AAK1: variants seen among roughly 807,000 people sequenced by gnomAD.
The protein encoded by AAK1 is AP2-associated protein kinase 1.
A neutral mutation model predicts 116.0 loss-of-function variants in AAK1; 37 were observed. The ratio of observed to expected loss-of-function variants is 0.32; its 90% confidence interval spans 0.25 to 0.42. AAK1 has a LOEUF of 0.42. AAK1 is among the 10% of genes least tolerant of loss of function. The pLI, the probability that AAK1 is intolerant of heterozygous loss-of-function variation, is 1.00. For missense variants in AAK1, 919 were observed against 1,170.6 expected (o/e 0.79, Z 3.14); for synonymous variants, 458 against 439.9 (o/e 1.04, Z -0.51).
intron 4 of AAK1, among the ~76,000 whole-genome samples, chr2:69,543,698 G>A (rs944343241): frequency 1.3e-5 from 2 of 152,144 alleles, no homozygotes; most frequent in East Asian, 1.9e-4. Flanking sequence ...GAGCCACCGC[G>A]CCCGGCCTAT....
At chr2:69,548,697 T>G (rs1008528268) in intron 3 of AAK1, among the ~76,000 whole-genome samples, 1 of 151,960 alleles carries the variant, frequency 6.6e-6, no homozygotes, top group African/African-American at 2.4e-5. Context: ...CTCTGCCTCC[T>G]GGGTTCAAGT....
At chr2:69,535,966 T>C (rs565881645) in intron 5 of AAK1, among the ~76,000 whole-genome samples, 1 of 152,344 alleles carries the variant, frequency 6.6e-6, no homozygotes, top group African/African-American at 2.4e-5. Flanking sequence ...ACTTATTAAG[T>C]GCCAGACACT....
intron 16 of AAK1, 29 bp from the exon 17 acceptor site, chr2:69,496,109 G>C (rs374353464): frequency 6.6e-7 from 1 of 1,507,098 alleles, no homozygotes. Flanking sequence ...GGAAGGAGGA[G>C]TCAGGAGAGA....
Position 69,507,579 on chromosome 2 carries a change from C to G in AAK1, c.2007-1G>C. On this transcript the variant is annotated splice_acceptor_variant, in intron 14 of 21. Coordinates refer to ENST00000409085, the MANE Select transcript of AAK1 (RefSeq NM_014911.5). LOFTEE classifies it high-confidence loss of function. ...GCCTGATGGAGTGGTGGTTGCAGACCTAGGTAGGTTCCCACCCCCACGAAA... is the reference window on the plus strand; with the variant it reads ...GCCTGATGGAGTGGTGGTTGCAGACGTAGGTAGGTTCCCACCCCCACGAAA... 1 of 1,605,230 alleles carries G rather than the reference C, an allele frequency of 6.2e-7. No homozygotes were observed. Among genetic ancestry groups the G allele is most frequent in the Non-Finnish European group, 8.5e-7 (1 of 1,175,442 alleles).
chr2:69,481,182 C>T (rs1675075485), intron 18 of AAK1: 2 of 383,472 alleles, frequency 5.2e-6, no homozygotes, highest in Non-Finnish European at 9.5e-6. Flanking sequence ...TTTCTTTTAA[C>T]AGGTCTCTAA....
chr2:69,520,600 C>T (rs190665493), intron 11 of AAK1, among the ~76,000 whole-genome samples: 2 of 152,158 alleles, frequency 1.3e-5, no homozygotes, highest in East Asian at 1.9e-4. Context: ...GAACTGACCT[C>T]GGATGATTCA....
intron 2 of AAK1, among the ~76,000 whole-genome samples, chr2:69,584,613 T>A (rs747251202): frequency 2.0e-5 from 3 of 152,176 alleles, no homozygotes; most frequent in Non-Finnish European, 4.4e-5. Context: ...AAACGTTACA[T>A]CACATGACAT....
At chr2:69,611,044 T>C (rs564856846) in intron 2 of AAK1, among the ~76,000 whole-genome samples, 3 of 152,224 alleles carry the variant, frequency 2.0e-5, no homozygotes, top group Admixed American at 6.5e-5. Flanking sequence ...TGGCTAATAT[T>C]AGGTGTCAAT....
Position 69,599,823 on chromosome 2 carries a change from G to A in AAK1, c.164-42845C>T, listed in dbSNP as rs1438635742. Among the ~76,000 whole-genome samples, 4 of 152,162 alleles carry A rather than the reference G, an allele frequency of 2.6e-5. No homozygotes were observed. In the East Asian group the frequency reaches 7.7e-4, roughly 29 times the overall value. On this transcript the variant is annotated intron_variant, in intron 2 of 21. Transcript: ENST00000409085. ...AACGGGGTCTCACTCTGTCACTGAG[G>A]CTGGAGTGCAGTGGTATGATCACGG...
At chr2:69,616,889 TA>T (rs1674353831) in intron 2 of AAK1, among the ~76,000 whole-genome samples, 2 of 152,168 alleles carry the variant, frequency 1.3e-5, no homozygotes, top group African/African-American at 4.8e-5. Flanking sequence ...CACCTGGTTA[TA>T]ATGCCCTTTT....
intron 15 of AAK1, 98 bp downstream of exon 15, chr2:69,507,323 A>G (rs1676223892): frequency 7.0e-7 from 1 of 1,424,578 alleles, no homozygotes; most frequent in African/African-American, 1.4e-5. Context: ...TTCCACATGC[A>G]TACCCTTCTA....
At chr2:69,634,871 A>G (rs1475416520) in intron 2 of AAK1, among the ~76,000 whole-genome samples, 1 of 152,166 alleles carries the variant, frequency 6.6e-6, no homozygotes, top group Non-Finnish European at 1.5e-5. Flanking sequence ...TTTTTTGAGG[A>G]ACAAAAAATG....
chr2:69,505,140 CA>C lies in AAK1; in HGVS notation c.2269+428del, dbSNP rs1676134991. ...GTGCGTGTGCGCACACACACCCACA[CA>C]CACACACACACACACAGTTTAGAGG... On this transcript the variant is annotated intron_variant, in intron 16 of 21. Transcript: ENST00000409085. 1.7e-4 allele frequency among the ~76,000 whole-genome samples: 25 copies of C among 148,814 alleles called. No homozygotes were observed. In the Admixed American group the frequency reaches 1.7e-3, roughly 10 times the overall value.
rs1674584905 is a variant in AAK1 at position 69,468,924 on chromosome 2, G to A, written c.*6945C>T. On this transcript the variant is annotated 3_prime_UTR_variant, in exon 22 of 22. Coordinates refer to ENST00000409085, the MANE Select transcript of AAK1 (RefSeq NM_014911.5). ...GAGCATATTCTATGACCTTCATGAT[G>A]AGTACTGGGAAAATCAGACTTAAAA... 1.0e-6 allele frequency: 1 copy of A among 985,388 alleles called. No homozygotes were observed. Among genetic ancestry groups the A allele is most frequent in the Non-Finnish European group, 1.2e-6 (1 of 829,926 alleles). The allele number at this position is 985,388 out of a possible 1,614,324, so 61.0% of individuals were successfully genotyped here. A position where few individuals can be genotyped will look rare whatever the true frequency, so the allele number is the denominator to read the frequency against.
At chr2:69,490,921 ACC>A (rs1042315403) in intron 17 of AAK1, among the ~76,000 whole-genome samples, 2 of 122,798 alleles carry the variant, frequency 1.6e-5, no homozygotes, top group Non-Finnish European at 3.5e-5. Context: ...ATGTGTGTGT[ACC>A]CACACACACA....
chr2:69,600,576 TG>T (rs1472493543), intron 2 of AAK1, among the ~76,000 whole-genome samples: 1 of 152,190 alleles, frequency 6.6e-6, no homozygotes, highest in Non-Finnish European at 1.5e-5. Context: ...CTTGAACGGA[TG>T]GAAGTGGCTT....
Position 69,475,600 on chromosome 2 carries a change from G to A in AAK1, c.*269C>T. 1 of 1,197,096 alleles carries A rather than the reference G, an allele frequency of 8.4e-7. No individual in the cohort carries two copies. Among genetic ancestry groups the A allele is most frequent in the Non-Finnish European group, 1.0e-6 (1 of 960,074 alleles). 74.2% of individuals were successfully genotyped at this position (1,197,096 alleles called of 1,614,324 possible). A position where few individuals can be genotyped will look rare whatever the true frequency, so the allele number is the denominator to read the frequency against. On this transcript the variant is annotated 3_prime_UTR_variant, in exon 22 of 22. Transcript: ENST00000409085. ...GCAGAGGTGAAGCTCATGGCATCTAGTGCTTGATTTAAGATAATGCTATTG... is the reference window on the plus strand; with the variant it reads ...GCAGAGGTGAAGCTCATGGCATCTAATGCTTGATTTAAGATAATGCTATTG...
intron 21 of AAK1, 44 bp downstream of exon 21, chr2:69,476,836 G>T: frequency 6.9e-7 from 1 of 1,441,174 alleles, no homozygotes; most frequent in South Asian, 1.2e-5. Context: ...ATTTTGAAGA[G>T]AACTGAGGCC....
At chr2:69,636,162 T>A (rs1410696499) in intron 2 of AAK1, among the ~76,000 whole-genome samples, 1 of 151,932 alleles carries the variant, frequency 6.6e-6, no homozygotes, top group Non-Finnish European at 1.5e-5. Flanking sequence ...AATTAATTAA[T>A]CATCACAAAA....
Sources: gnomAD v4.1 joint callset for allele counts (sites outside exome capture counted in the v4.1 genomes callset) on GRCh38, gnomAD v4.1.1 for gene constraint, MANE v1.5 for transcripts, NCBI Gene and HGNC (gene_info 2026-07-23, HGNC 2026-07-21) for gene names.